ARK2N: variants seen among roughly 807,000 people sequenced by gnomAD.
ARK2N encodes the protein arkadia (RNF111) N-terminal like PKA signaling regulator 2N, also known as protein ARK2N.
the ARK2N span, chr18:46,215,780 C>G: frequency 1.4e-5 from 16 of 1,166,360 alleles, no homozygotes; most frequent in Admixed American, 3.7e-4. Flanking sequence ...ATCTGGCATT[C>G]TGTTTATTGA....
the ARK2N span, among the ~76,000 whole-genome samples, chr18:46,178,087 T>C: frequency 6.6e-6 from 1 of 152,136 alleles, no homozygotes; most frequent in Non-Finnish European, 1.5e-5. Flanking sequence ...CAGGTGAGCA[T>C]GCCAGGCTAG....
At chr18:46,262,818 A>G in the ARK2N span, 75 of 1,096,534 alleles carry the variant, frequency 6.8e-5, 1 homozygote, top group African/African-American at 7.9e-4. Flanking sequence ...ATGAACTTGC[A>G]TACTAGGTTT....
chr18:46,230,595 G>A, the ARK2N span, among the ~76,000 whole-genome samples: 37 of 152,090 alleles, frequency 2.4e-4, no homozygotes, highest in African/African-American at 8.0e-4. Context: ...TCCCATATCC[G>A]GACTATTGTA....
the ARK2N span, among the ~76,000 whole-genome samples, chr18:46,252,017 A>G: frequency 4.6e-5 from 7 of 151,862 alleles, no homozygotes; most frequent in African/African-American, 9.7e-5. Flanking sequence ...ACGTGACGAA[A>G]CCCCATCTCT....
chr18:46,254,445 G>A, the ARK2N span, among the ~76,000 whole-genome samples: 1 of 152,146 alleles, frequency 6.6e-6, no homozygotes, highest in Non-Finnish European at 1.5e-5. Flanking sequence ...GTTAAGGTAG[G>A]GGTCAGCAAA....
chr18:46,242,052 G>A, the ARK2N span, among the ~76,000 whole-genome samples: 10 of 152,036 alleles, frequency 6.6e-5, no homozygotes, highest in Admixed American at 1.3e-4. Context: ...CAGATGATCC[G>A]CCTGCCTTGG....
the ARK2N span, chr18:46,253,551 T>C: frequency 5.4e-6 from 5 of 920,804 alleles, no homozygotes; most frequent in Non-Finnish European, 8.1e-6. Flanking sequence ...CCCAGCTTAT[T>C]TGACAGTTTT....
chr18:46,198,824 C>T, the ARK2N span, among the ~76,000 whole-genome samples: 5 of 152,162 alleles, frequency 3.3e-5, no homozygotes, highest in African/African-American at 9.7e-5. Flanking sequence ...GTCTCGAACT[C>T]CTGACCTTGT....
the ARK2N span, among the ~76,000 whole-genome samples, chr18:46,181,500 G>T: frequency 6.6e-6 from 1 of 152,102 alleles, no homozygotes; most frequent in Non-Finnish European, 1.5e-5. Flanking sequence ...GGATCATGAG[G>T]TCAGGAGATC....
chr18:46,252,019 C>G, the ARK2N span, among the ~76,000 whole-genome samples: 4 of 151,992 alleles, frequency 2.6e-5, no homozygotes, highest in Non-Finnish European at 4.4e-5. Context: ...GTGACGAAAC[C>G]CCATCTCTAC....
chr18:46,227,570 T>C, the ARK2N span, among the ~76,000 whole-genome samples: 1 of 152,114 alleles, frequency 6.6e-6, no homozygotes, highest in Non-Finnish European at 1.5e-5. Flanking sequence ...TATATAAATA[T>C]ATACATATGA....
the ARK2N span, among the ~76,000 whole-genome samples, chr18:46,205,685 A>G: frequency 1.3e-5 from 2 of 151,970 alleles, no homozygotes; most frequent in African/African-American, 4.8e-5. Context: ...CAAAATCTGT[A>G]TTTCTATATT....
At chr18:46,215,340 CA>C in the ARK2N span, among the ~76,000 whole-genome samples, 10 of 151,582 alleles carry the variant, frequency 6.6e-5, no homozygotes, top group Admixed American at 1.3e-4. Flanking sequence ...AACAAACAAA[CA>C]AAAACATTTG....
the ARK2N span, among the ~76,000 whole-genome samples, chr18:46,213,688 T>C: frequency 6.6e-6 from 1 of 152,084 alleles, no homozygotes; most frequent in Non-Finnish European, 1.5e-5. Flanking sequence ...GTTTTATTTA[T>C]TTTTTATTTA....
At chr18:46,216,089 A>G in the ARK2N span, 1 of 1,614,152 alleles carries the variant, frequency 6.2e-7, no homozygotes, top group Admixed American at 1.7e-5. This position sits in a 1 kb window ranked among gnomAD's most constrained non-coding sequence, Gnocchi z 4.3. Flanking sequence ...TCTGAGTCTC[A>G]GTTAGCATCC....
chr18:46,228,445 TAGAC>T, the ARK2N span, among the ~76,000 whole-genome samples: 1 of 152,204 alleles, frequency 6.6e-6, no homozygotes, highest in Non-Finnish European at 1.5e-5. Context: ...AAGAATAACA[TAGAC>T]AACTTATTGC....
At chr18:46,264,387 CA>C in the ARK2N span, 1 of 152,742 alleles carries the variant, frequency 6.5e-6, no homozygotes, top group East Asian at 1.9e-4. Flanking sequence ...GTACTCTGCA[CA>C]GGGGGAGTGA....
the ARK2N span, among the ~76,000 whole-genome samples, chr18:46,176,884 G>A: frequency 6.6e-6 from 1 of 152,160 alleles, no homozygotes; most frequent in African/African-American, 2.4e-5. Context: ...CCAGAGTGCT[G>A]GGATTACAGG....
the ARK2N span, among the ~76,000 whole-genome samples, chr18:46,258,756 C>T: frequency 6.6e-6 from 1 of 152,004 alleles, no homozygotes; most frequent in African/African-American, 2.4e-5. Context: ...GTTCCTACCT[C>T]ATGTCTTTCA....
Sources: allele counts gnomAD v4.1 joint callset (sites outside exome capture counted in the v4.1 genomes callset), GRCh38; gene constraint gnomAD v4.1.1; non-coding constraint Gnocchi (gnomAD v3.1); transcripts MANE v1.5; gene names NCBI Gene and HGNC (gene_info 2026-07-23, HGNC 2026-07-21).